Variants in PARN observed in about 807,000 individuals in gnomAD.
The protein encoded by PARN is poly(A)-specific ribonuclease.
In PARN, 71 loss-of-function variants were observed where a neutral mutation model predicts 102.8. The ratio of observed to expected loss-of-function variants is 0.69; its 90% CI spans 0.57 to 0.84. The LOEUF (loss-of-function observed/expected upper bound fraction) is 0.84, where lower values mean the gene tolerates loss of function less well. Ranked by LOEUF, PARN falls within the 40% of genes least tolerant of loss-of-function variation. The pLI is 0.00. For missense variants in PARN, 782 were observed against 760.9 expected (o/e 1.03, Z -0.33); for synonymous variants, 261 against 252.9 (o/e 1.03, Z -0.30).
intron 14 of PARN, 50 bp from the exon 15 acceptor site, chr16:14,584,841 A>T (rs766781320): frequency 9.7e-7 from 1 of 1,032,414 alleles, no homozygotes; most frequent in Non-Finnish European, 1.4e-6. Context: ...AATGTTTAAA[A>T]TGTCTTTTAC....
At chr16:14,565,828 A>T (rs1167537894) in intron 18 of PARN, among the ~76,000 whole-genome samples, 1 of 152,194 alleles carries the variant, frequency 6.6e-6, no homozygotes, top group Non-Finnish European at 1.5e-5. Flanking sequence ...TCTCGGCTTT[A>T]AAATGGGCAC....
chr16:14,499,222 C>T (rs1258330486), intron 21 of PARN, among the ~76,000 whole-genome samples: 1 of 152,156 alleles, frequency 6.6e-6, no homozygotes, highest in Non-Finnish European at 1.5e-5. Context: ...CAGGTCTGAA[C>T]TGGAGCAGGT....
At chr16:14,462,065 T>C (rs904541695) in intron 22 of PARN, among the ~76,000 whole-genome samples, 1 of 152,198 alleles carries the variant, frequency 6.6e-6, no homozygotes, top group African/African-American at 2.4e-5. Flanking sequence ...AATCATATTA[T>C]TGGGGGACTG....
chr16:14,589,120 C>T (rs1596769362), intron 13 of PARN, among the ~76,000 whole-genome samples: 1 of 151,812 alleles, frequency 6.6e-6, no homozygotes, highest in East Asian at 1.9e-4. Context: ...GCAGAGGTTG[C>T]AGTGAGTCAA....
chr16:14,616,315 T>C (rs1346831800), intron 6 of PARN, among the ~76,000 whole-genome samples: 6 of 152,170 alleles, frequency 3.9e-5, no homozygotes, highest in African/African-American at 1.2e-4. Context: ...CAAGGGGATG[T>C]GAAAAGAACA....
At chr16:14,485,997 C>T (rs551118411) in intron 21 of PARN, among the ~76,000 whole-genome samples, 5 of 152,230 alleles carry the variant, frequency 3.3e-5, no homozygotes, top group South Asian at 2.1e-4. Context: ...CTGGCTATTG[C>T]GTTCTTTAAT....
intron 21 of PARN, among the ~76,000 whole-genome samples, chr16:14,538,860 G>A (rs1966729364): frequency 6.6e-6 from 1 of 152,108 alleles, no homozygotes; most frequent in Non-Finnish European, 1.5e-5. Flanking sequence ...TGTCAGATCA[G>A]TGGCAGCATT....
chr16:14,448,794 C>T (rs570253769), intron 22 of PARN, among the ~76,000 whole-genome samples: 5 of 152,320 alleles, frequency 3.3e-5, no homozygotes, highest in African/African-American at 1.2e-4. Flanking sequence ...AGCACTCTTC[C>T]TCCTATGACT....
intron 18 of PARN, among the ~76,000 whole-genome samples, chr16:14,574,412 T>C (rs374994258): frequency 7.2e-5 from 11 of 152,038 alleles, no homozygotes; most frequent in African/African-American, 2.7e-4. Flanking sequence ...AACCTGACAA[T>C]GTGATAGACA....
At position 14,555,591 on chromosome 16, in the gene PARN, T is replaced by C. The variant is rs1596657204; in HGVS notation, c.1318+63A>G. 2.1e-5 allele frequency: 15 copies of C among 716,692 alleles called. No individual in the cohort carries two copies. In the East Asian group the frequency reaches 4.4e-4, roughly 21 times the overall value. 44.4% of individuals were successfully genotyped at this position (716,692 alleles called of 1,614,324 possible). ...CTTTTTCTTTAGTAATATTTTCCTG[T>C]TATCCCTTCCAGACCACACACTTAA... On this transcript the variant is annotated intron_variant, in intron 19 of 23. Transcript: ENST00000437198.
At chr16:14,623,193 G>A (rs1171878617) in intron 5 of PARN, among the ~76,000 whole-genome samples, 1 of 151,978 alleles carries the variant, frequency 6.6e-6, no homozygotes, top group Non-Finnish European at 1.5e-5. Context: ...AGTAAAATGG[G>A]AAGGAAGTGG....
chr16:14,606,975 G>T (rs1971227717), intron 9 of PARN, among the ~76,000 whole-genome samples: 1 of 151,840 alleles, frequency 6.6e-6, no homozygotes, highest in Admixed American at 6.6e-5. Flanking sequence ...TAGAAACGGG[G>T]TTTCACCGTG....
At chr16:14,556,714 C>A (rs1299541150) in intron 18 of PARN, among the ~76,000 whole-genome samples, 1 of 152,118 alleles carries the variant, frequency 6.6e-6, no homozygotes, top group East Asian at 1.9e-4. Flanking sequence ...TCTTACCAAT[C>A]TATGAACAAG....
intron 21 of PARN, among the ~76,000 whole-genome samples, chr16:14,508,848 C>T (rs1965040418): frequency 6.6e-6 from 1 of 150,868 alleles, no homozygotes; most frequent in Non-Finnish European, 1.5e-5. Context: ...TCACTTGAGG[C>T]CAGGAGTTCA....
chr16:14,554,293 G>A, intron 19 of PARN, 142 bp from the exon 20 acceptor site: 1 of 607,618 alleles, frequency 1.6e-6, no homozygotes, highest in Non-Finnish European at 2.9e-6. Flanking sequence ...CTAAAAGTAT[G>A]CCTAGGATTG....
chr16:14,451,836 C>A (rs1233809485), intron 22 of PARN, among the ~76,000 whole-genome samples: 2 of 112,886 alleles, frequency 1.8e-5, no homozygotes, highest in African/African-American at 6.8e-5. Context: ...TGGAGAAACC[C>A]CGTCTCTAAA....
At chr16:14,606,159 CGAGG>C in intron 10 of PARN, among the ~76,000 whole-genome samples, 1 of 152,208 alleles carries the variant, frequency 6.6e-6, no homozygotes, top group African/African-American at 2.4e-5. Flanking sequence ...CAGCACTCTG[CGAGG>C]CCGAGGCGGG....
chr16:14,597,010 C>T (rs892647575), intron 12 of PARN, among the ~76,000 whole-genome samples: 6 of 152,074 alleles, frequency 3.9e-5, no homozygotes, highest in Admixed American at 6.6e-5. Flanking sequence ...TGGTGTCGAA[C>T]TCCCGACCTC....
chr16:14,612,508 C>G (rs961801467), intron 6 of PARN, among the ~76,000 whole-genome samples: 5 of 152,170 alleles, frequency 3.3e-5, no homozygotes, highest in Non-Finnish European at 7.3e-5. Flanking sequence ...GGTAGGGCCA[C>G]TAACTGATGT....
Sources: gnomAD v4.1 joint callset for allele counts (sites outside exome capture counted in the v4.1 genomes callset) on GRCh38, gnomAD v4.1.1 for gene constraint, MANE v1.5 for transcripts, NCBI Gene and HGNC (gene_info 2026-07-23, HGNC 2026-07-21) for gene names.